Variants in GUCY1A2 observed in about 807,000 individuals in gnomAD.
The protein encoded by GUCY1A2 is guanylate cyclase 1 soluble subunit alpha 2.
A neutral mutation model predicts 63.5 loss-of-function variants in GUCY1A2; 27 were observed. That is an observed-to-expected ratio of 0.43 (90% CI 0.31 to 0.59). The LOEUF is 0.59. Among genes scored for constraint, GUCY1A2 ranks in the 20% least tolerant of loss-of-function variants. The pLI is 0.11. For synonymous variants in GUCY1A2, 364 were observed against 343.5 expected (o/e 1.06, Z -0.66); for missense variants, 768 against 913.3 (o/e 0.84, Z 2.05).
In GUCY1A2 at chr11:106,942,813, T is replaced by C. The variant is rs1000577448; in HGVS notation, c.488-2635A>G. 1.6e-4 allele frequency among the ~76,000 whole-genome samples: 25 copies of C among 152,168 alleles called. 1 individual carries two copies. Among genetic ancestry groups the C allele is most frequent in the African/African-American group, 5.1e-4 (21 of 41,444 alleles). ...AGGCAACAAACTAAAAACTACTCTA[T>C]GCGCAGCAATCTATCAACTAGAAAG... is the stretch of plus-strand genomic sequence containing the variant. On this transcript the variant is annotated intron_variant, in intron 3 of 7. Transcript: ENST00000526355.
chr11:106,887,434 A>C (rs977561862), intron 4 of GUCY1A2, among the ~76,000 whole-genome samples: 2 of 152,186 alleles, frequency 1.3e-5, no homozygotes, highest in Non-Finnish European at 2.9e-5. Flanking sequence ...CTCTAAATTT[A>C]GATAATGTTA....
At chr11:106,849,487 GGATTT>G (rs1206612576) in intron 4 of GUCY1A2, among the ~76,000 whole-genome samples, 1 of 151,338 alleles carries the variant, frequency 6.6e-6, no homozygotes. Context: ...TTAAGCTGTT[GGATTT>G]GAAAGCTAGT....
At chr11:107,013,777 A>C (rs1168486950) in intron 1 of GUCY1A2, among the ~76,000 whole-genome samples, 1 of 152,206 alleles carries the variant, frequency 6.6e-6, no homozygotes, top group East Asian at 1.9e-4. Context: ...AAAACTACCC[A>C]AAGTGAATGA....
At chr11:106,900,670 G>C (rs144869603) in intron 4 of GUCY1A2, among the ~76,000 whole-genome samples, 1 of 152,058 alleles carries the variant, frequency 6.6e-6, no homozygotes, top group Non-Finnish European at 1.5e-5. Flanking sequence ...CAGAGATATT[G>C]TAAGTTAGGT....
At chr11:106,973,068 A>C (rs528977515) in intron 3 of GUCY1A2, among the ~76,000 whole-genome samples, 1 of 152,212 alleles carries the variant, frequency 6.6e-6, no homozygotes, top group African/African-American at 2.4e-5. Flanking sequence ...TATCTCAGGG[A>C]AAGTATGTAA....
intron 4 of GUCY1A2, among the ~76,000 whole-genome samples, chr11:106,863,825 A>T (rs1306942688): frequency 1.3e-5 from 2 of 152,054 alleles, no homozygotes; most frequent in African/African-American, 4.8e-5. Flanking sequence ...AGTGGTTTGT[A>T]GTTCTCCTTG....
chr11:106,785,545 T>A (rs1175911618), intron 5 of GUCY1A2, among the ~76,000 whole-genome samples: 1 of 151,856 alleles, frequency 6.6e-6, no homozygotes, highest in Non-Finnish European at 1.5e-5. Flanking sequence ...TAACTTTATA[T>A]CCCTGGACCT....
Position 106,939,497 on chromosome 11 carries a change from G to A in GUCY1A2, c.1169C>T (p.Thr390Ile). The A allele has an allele frequency of 6.2e-7, 1 of 1,609,014 alleles. No individual in the cohort carries two copies. Among genetic ancestry groups the A allele is most frequent in the South Asian group, 1.1e-5 (1 of 90,960 alleles). Reference sequence around the variant, plus strand: ...TTCAGAGCCAGAAGCCTCAGGCTTGGTTCTAATCACAAACGGGGTAGACAG... The same window carrying A: ...TTCAGAGCCAGAAGCCTCAGGCTTGATTCTAATCACAAACGGGGTAGACAG... ...LRLSTPFVIR[T>I]KPEASGSENK... Residue 390 changes from threonine (T) to isoleucine (I), a missense_variant, in exon 4 of 8, where the codon ACC becomes ATC. Transcript: ENST00000526355.
At chr11:106,759,259 A>T (rs886730813) in intron 6 of GUCY1A2, among the ~76,000 whole-genome samples, 1 of 152,156 alleles carries the variant, frequency 6.6e-6, no homozygotes, top group Non-Finnish European at 1.5e-5. Context: ...AGTTCAAAAC[A>T]TATGCATTCT....
chr11:106,811,439 C>A (rs778834297), intron 4 of GUCY1A2, among the ~76,000 whole-genome samples: 1 of 152,064 alleles, frequency 6.6e-6, no homozygotes, highest in African/African-American at 2.4e-5. Flanking sequence ...AAAGAATAGG[C>A]TAAAAGTTGA....
chr11:106,875,081 T>C (rs757786781), intron 4 of GUCY1A2, among the ~76,000 whole-genome samples: 14 of 152,188 alleles, frequency 9.2e-5, no homozygotes, highest in Admixed American at 2.0e-4. Context: ...TGAAAAGATT[T>C]ATCAACCAGG....
At chr11:106,955,816 G>A (rs755071225) in intron 3 of GUCY1A2, among the ~76,000 whole-genome samples, 1 of 151,986 alleles carries the variant, frequency 6.6e-6, no homozygotes, top group Non-Finnish European at 1.5e-5. Context: ...GATGTTCTCT[G>A]TATTTCCTGA....
rs532291415 is a variant in GUCY1A2, at chr11:106,905,737, G to A, written c.1206+33723C>T. On this transcript the variant is annotated intron_variant, in intron 4 of 7. Transcript: ENST00000526355. ...GCTCATGCTCACATGTCTGAGATAA[G>A]AACTATCTCAAAAACTTCCTAAAAT... Among the ~76,000 whole-genome samples, 4 of 152,196 alleles carry A rather than the reference G, an allele frequency of 2.6e-5. No homozygotes were observed. The South Asian group carries it at 8.3e-4, about 32-fold the overall frequency.
chr11:106,828,125 C>T (rs1055062521), intron 4 of GUCY1A2, among the ~76,000 whole-genome samples: 5 of 151,838 alleles, frequency 3.3e-5, no homozygotes, highest in East Asian at 1.9e-4. Flanking sequence ...AGGCATAATT[C>T]GCAAATATTT....
Position 106,986,137 on chromosome 11 carries a change from G to GAAC in GUCY1A2, c.304-7_304-6insGTT. Reference sequence around the variant, plus strand: ...GTCTGCTGTATCGTCTGAGGCTACAGAATAATAATAATAATAAAAACATAT... The same window carrying GAAC: ...GTCTGCTGTATCGTCTGAGGCTACAGAACAATAATAATAATAATAAAAACATAT... On this transcript the variant is annotated splice_polypyrimidine_tract_variant and splice_region_variant and intron_variant, in intron 1 of 7. Coordinates refer to ENST00000526355, the MANE Select transcript of GUCY1A2 (RefSeq NM_000855.3). The GAAC allele has an allele frequency of 7.4e-7, 1 of 1,352,954 alleles. No homozygotes were observed. The highest frequency in any genetic ancestry group is 1.2e-5 in the South Asian group (1 of 85,570). The allele number at this position is 1,352,954 out of a possible 1,614,324, so 83.8% of individuals were successfully genotyped here.
intron 4 of GUCY1A2, among the ~76,000 whole-genome samples, chr11:106,928,757 T>C (rs1294777621): frequency 1.3e-5 from 2 of 152,194 alleles, no homozygotes; most frequent in Non-Finnish European, 2.9e-5. Flanking sequence ...TCCTGAATAC[T>C]GTAAGAACTG....
At chr11:106,725,357 A>G (rs1863389283) in intron 6 of GUCY1A2, among the ~76,000 whole-genome samples, 1 of 49,520 alleles carries the variant, frequency 2.0e-5, no homozygotes, top group South Asian at 7.1e-4. Context: ...TATTTTTAGT[A>G]GAGACGGGGT....
chr11:106,839,761 A>C (rs1310323911), intron 4 of GUCY1A2, among the ~76,000 whole-genome samples: 1 of 151,336 alleles, frequency 6.6e-6, no homozygotes, highest in Non-Finnish European at 1.5e-5. Flanking sequence ...TTGCAAGGAC[A>C]AAAAACCAAA....
intron 2 of GUCY1A2, among the ~76,000 whole-genome samples, chr11:106,983,059 T>C (rs1221780334): frequency 6.6e-6 from 1 of 152,198 alleles, no homozygotes; most frequent in Non-Finnish European, 1.5e-5. Flanking sequence ...CAGGTGATTC[T>C]GATGCACATT....
Sources: allele counts gnomAD v4.1 joint callset (sites outside exome capture counted in the v4.1 genomes callset), GRCh38; gene constraint gnomAD v4.1.1; transcripts MANE v1.5; gene names NCBI Gene and HGNC (gene_info 2026-07-23, HGNC 2026-07-21).